Variants in HAS3 observed in about 807,000 individuals in gnomAD.
The protein encoded by HAS3 is HA synthase 3.
Under a neutral mutation model 50.3 loss-of-function variants are expected in HAS3, and 27 were observed. That is an observed-to-expected ratio of 0.54 (90% CI 0.40 to 0.74). HAS3 has a LOEUF of 0.74. Among genes scored for constraint, HAS3 ranks in the 30% least tolerant of loss-of-function variants. The pLI, the probability that HAS3 is intolerant of heterozygous loss-of-function variation, is 0.00. For synonymous variants in HAS3, 339 were observed against 310.9 expected (o/e 1.09, Z -0.95); for missense variants, 517 against 742.8 (o/e 0.70, Z 3.53).
the HAS3 span, among the ~76,000 whole-genome samples, chr16:69,092,507 G>A: frequency 2.0e-5 from 3 of 151,442 alleles, no homozygotes; most frequent in Non-Finnish European, 2.9e-5. Context: ...GGAGGCTGAG[G>A]CAGGAGAATC....
At chr16:69,113,208 G>C (rs1237031249) in intron 2 of HAS3, among the ~76,000 whole-genome samples, 1 of 152,220 alleles carries the variant, frequency 6.6e-6, no homozygotes, top group Admixed American at 6.5e-5. Flanking sequence ...ACTGTCTTCA[G>C]GGTTTCTCCC....
At chr16:69,103,185 C>T (rs941117381), upstream of HAS3, among the ~76,000 whole-genome samples, 4 of 152,288 alleles carry the variant, frequency 2.6e-5, no homozygotes, top group African/African-American at 7.2e-5. Context: ...CTAAACGGAG[C>T]GTTTGCTCTC....
At chr16:69,097,243 G>A in the HAS3 span, among the ~76,000 whole-genome samples, 2 of 152,000 alleles carry the variant, frequency 1.3e-5, no homozygotes, top group South Asian at 2.1e-4. Flanking sequence ...TTGGGAGGCC[G>A]AGGCAGGTGG....
At chr16:69,110,275 C>T (rs1960956620) in intron 2 of HAS3, among the ~76,000 whole-genome samples, 2 of 152,174 alleles carry the variant, frequency 1.3e-5, no homozygotes, top group Non-Finnish European at 2.9e-5. Context: ...CACGGTGAAA[C>T]CCCATCTCTA....
chr16:69,114,612 C>T lies in HAS3; in HGVS notation c.1008C>T (p.Arg336=). ...GCTACCGAACTAAGTATACCGCGCGCTCCAAGTGCCTCACAGAGACCCCCA... is the reference window on the plus strand; with the variant it reads ...GCTACCGAACTAAGTATACCGCGCGTTCCAAGTGCCTCACAGAGACCCCCA... ...SLGYRTKYTA[R]SKCLTETPTK... The change falls in exon 4 of 4, where the codon CGC becomes CGT. Residue 336 remains arginine (R), a synonymous_variant. Transcript: ENST00000569188. The surrounding 1 kb of genome is among the most constrained non-coding windows in gnomAD (Gnocchi z 6.4). 1 of 1,614,078 alleles carries T rather than the reference C, an allele frequency of 6.2e-7. No individual in the cohort carries two copies. The highest frequency in any genetic ancestry group is 8.5e-7 in the Non-Finnish European group (1 of 1,180,018).
chr16:69,109,692 C>A lies in HAS3; in HGVS notation c.297C>A (p.Asp99Glu). ...LCIAAYQEDP[D>E]YLRKCLRSAQ... ...TTGCCGCATACCAGGAGGACCCTGACTACTTGCGCAAGTGCCTGCGCTCGG... is the reference window on the plus strand; with the variant it reads ...TTGCCGCATACCAGGAGGACCCTGAATACTTGCGCAAGTGCCTGCGCTCGG... The change falls in exon 2 of 4, where the codon GAC (aspartate) becomes GAA (glutamate). Residue 99 changes from aspartate (D) to glutamate (E), a missense_variant. Coordinates refer to ENST00000569188, the MANE Select transcript of HAS3 (RefSeq NM_001199280.2). This position sits in a 1 kb window ranked among gnomAD's most constrained non-coding sequence, Gnocchi z 5.3. The A allele has an allele frequency of 6.2e-7, 1 of 1,610,494 alleles. No individual in the cohort carries two copies. The highest frequency in any genetic ancestry group is 8.5e-7 in the Non-Finnish European group (1 of 1,179,918).
chr16:69,096,093 G>T, the HAS3 span, among the ~76,000 whole-genome samples: 2 of 151,772 alleles, frequency 1.3e-5, no homozygotes, highest in East Asian at 3.9e-4. Context: ...GTGCGTGCCT[G>T]TAATCCCAGC....
chr16:69,093,736 G>T, the HAS3 span, among the ~76,000 whole-genome samples: 1 of 151,750 alleles, frequency 6.6e-6, no homozygotes, highest in Non-Finnish European at 1.5e-5. Flanking sequence ...CTCCATGTTG[G>T]TCAGGCTGGT....
chr16:69,093,356 C>G, the HAS3 span, among the ~76,000 whole-genome samples: 1 of 151,756 alleles, frequency 6.6e-6, no homozygotes, highest in Non-Finnish European at 1.5e-5. Context: ...GGATTACAGG[C>G]GCATGCCACC....
intron 3 of HAS3, among the ~76,000 whole-genome samples, chr16:69,113,995 T>A (rs1448417414): frequency 6.6e-6 from 1 of 152,136 alleles, no homozygotes; most frequent in Admixed American, 6.5e-5. Flanking sequence ...CACAGAAATC[T>A]CAGGACAGGT....
At chr16:69,101,881 T>C (rs1414241162), upstream of HAS3, among the ~76,000 whole-genome samples, 1 of 151,754 alleles carries the variant, frequency 6.6e-6, no homozygotes. Flanking sequence ...GCCTCCCGGG[T>C]TCAAACGATT....
rs1291820298 is a variant in HAS3 at position 69,117,290 on chromosome 16, TCCTA to T, written c.*2027_*2030del. ...GTAGGATGACAGGCTCTCCTGGCTG[TCCTA>T]CCATCAGCTCTGCCTTGCACTGTGG... is the stretch of plus-strand genomic sequence containing the variant. On this transcript the variant is annotated 3_prime_UTR_variant, in exon 4 of 4. Transcript: ENST00000569188. 4 of 985,758 alleles carry T rather than the reference TCCTA, an allele frequency of 4.1e-6. No homozygotes were observed. The highest frequency in any genetic ancestry group is 4.8e-6 in the Non-Finnish European group (4 of 829,942). 61.1% of individuals were successfully genotyped at this position (985,758 alleles called of 1,614,324 possible). A position where few individuals can be genotyped will look rare whatever the true frequency, so the allele number is the denominator to read the frequency against.
chr16:69,118,655 C>T, downstream of HAS3: 1 of 694,068 alleles, frequency 1.4e-6, no homozygotes, highest in Non-Finnish European at 2.6e-6. Flanking sequence ...ATTATTCCCA[C>T]CTGCCACAGT....
chr16:69,098,632 A>G, the HAS3 span, among the ~76,000 whole-genome samples: 1 of 148,500 alleles, frequency 6.7e-6, no homozygotes, highest in Non-Finnish European at 1.5e-5. Context: ...TGATTTTAAT[A>G]TCAAACCTAT....
At position 69,117,294 on chromosome 16, in the gene HAS3, A is replaced by C. The variant is rs1231138757; in HGVS notation, c.*2028A>C. 1.0e-6 allele frequency: 1 copy of C among 985,714 alleles called. No individual in the cohort carries two copies. Among genetic ancestry groups the C allele is most frequent in the Non-Finnish European group, 1.2e-6 (1 of 829,914 alleles). The allele number at this position is 985,714 out of a possible 1,614,324, so 61.1% of individuals were successfully genotyped here. ...GATGACAGGCTCTCCTGGCTGTCCTACCATCAGCTCTGCCTTGCACTGTGG... is the reference window on the plus strand; with the variant it reads ...GATGACAGGCTCTCCTGGCTGTCCTCCCATCAGCTCTGCCTTGCACTGTGG... On this transcript the variant is annotated 3_prime_UTR_variant, in exon 4 of 4. Coordinates refer to ENST00000569188, the MANE Select transcript of HAS3 (RefSeq NM_001199280.2).
chr16:69,118,310 G>GTCTT (rs1417149006), downstream of HAS3: 3 of 1,205,170 alleles, frequency 2.5e-6, no homozygotes, highest in South Asian at 2.4e-5. Context: ...CATTCGGTGG[G>GTCTT]TCTTTCTTTG....
downstream of HAS3, chr16:69,118,429 C>T (rs368710507): frequency 1.9e-5 from 31 of 1,611,924 alleles, no homozygotes; most frequent in African/African-American, 5.3e-5. Flanking sequence ...AAGCATGGTC[C>T]GTTCACCAAC....
Position 69,116,668 on chromosome 16 carries a change from T to G in HAS3, c.*1402T>G, listed in dbSNP as rs1056680305. 2 of 985,248 alleles carry G rather than the reference T, an allele frequency of 2.0e-6. No individual in the cohort carries two copies. The highest frequency in any genetic ancestry group is 3.5e-5 in the African/African-American group (2 of 57,238). 61.0% of individuals were successfully genotyped at this position (985,248 alleles called of 1,614,324 possible). On this transcript the variant is annotated 3_prime_UTR_variant, in exon 4 of 4. Coordinates refer to ENST00000569188, the MANE Select transcript of HAS3 (RefSeq NM_001199280.2). ...CCTAAGGTTCTTGCTTTCTCTCTCA[T>G]GCCTCCTGAGGCTGTTTTTGGCTGT...
chr16:69,101,038 T>A (rs985760181), upstream of HAS3, among the ~76,000 whole-genome samples: 2 of 152,064 alleles, frequency 1.3e-5, no homozygotes, highest in Admixed American at 1.3e-4. Flanking sequence ...TCCTAACAGA[T>A]CTCCCATACC....
Sources: gnomAD v4.1 joint callset for allele counts (sites outside exome capture counted in the v4.1 genomes callset) on GRCh38, gnomAD v4.1.1 for gene constraint, Gnocchi (gnomAD v3.1) non-coding constraint, MANE v1.5 for transcripts, NCBI Gene and HGNC (gene_info 2026-07-23, HGNC 2026-07-21) for gene names.